The following MYO18A variants were observed in gnomAD, a reference collection of about 807,000 sequenced individuals.
MYO18A encodes the protein myosin XVIIIA.
A neutral mutation model predicts 235.8 loss-of-function variants in MYO18A; 78 were observed. The observed-to-expected ratio is 0.33, with a 90% CI of 0.28 to 0.40. The LOEUF is 0.40. Among genes scored for constraint, MYO18A ranks in the 10% least tolerant of loss-of-function variants. MYO18A has a pLI of 1.00. For synonymous variants in MYO18A, 977 were observed against 1,077.8 expected, an observed-to-expected ratio of 0.91 and a Z score of 1.83; for missense variants, 2,215 against 2,699.3, an observed-to-expected ratio of 0.82 and a Z score of 3.98.
intron 3 of MYO18A, 75 bp downstream of exon 3, chr17:29,122,091 G>A: frequency 6.5e-7 from 1 of 1,539,134 alleles, no homozygotes; most frequent in Non-Finnish European, 8.9e-7. Context: ...CTCACCAGAT[G>A]CAGAAGGCAC....
intron 37 of MYO18A, among the ~76,000 whole-genome samples, chr17:29,087,743 C>CGAAAATAAGT (rs2066289944): frequency 6.6e-6 from 1 of 152,110 alleles, no homozygotes; most frequent in Non-Finnish European, 1.5e-5. Flanking sequence ...GTCCCCCAGC[C>CGAAAATAAGT]TCTATATCCC....
At chr17:29,123,062 G>T (rs982915036) in intron 2 of MYO18A, among the ~76,000 whole-genome samples, 2 of 152,228 alleles carry the variant, frequency 1.3e-5, no homozygotes, top group African/African-American at 4.8e-5. Context: ...GCACAGGAGT[G>T]GTGTAAAGGG....
At position 29,106,825 on chromosome 17, in the gene MYO18A, G is replaced by A. The variant is rs1321116756; in HGVS notation, c.3441+255C>T. ...TTCTCATGCACCCTCAGTGCGCCCA[G>A]GCCCTGCTCGCTCCTGGATGATTGT... On this transcript the variant is annotated intron_variant, in intron 20 of 41. Transcript: ENST00000527372. The surrounding 1 kb of genome is among the most constrained non-coding windows in gnomAD (Gnocchi z 4.6). Among the ~76,000 whole-genome samples, 1 of 152,214 alleles carries A rather than the reference G, an allele frequency of 6.6e-6. No homozygotes were observed. The highest frequency in any genetic ancestry group is 1.9e-4 in the East Asian group (1 of 5,194).
chr17:29,107,386 A>C, intron 19 of MYO18A, 197 bp from the exon 20 acceptor site: 1 of 575,962 alleles, frequency 1.7e-6, no homozygotes, highest in East Asian at 3.0e-5. Context: ...CAGGAGGACA[A>C]TCAGGCCTGC....
Position 29,074,341 on chromosome 17 carries a change from A to G in MYO18A, c.*429T>C. ...CAAGAAGAGAGAGCCCCCACCCCAC[A>G]CGAGAGGGAAGGCACTGCTTCTCCT... On this transcript the variant is annotated 3_prime_UTR_variant, in exon 42 of 42. Coordinates refer to ENST00000527372, the MANE Select transcript of MYO18A (RefSeq NM_078471.4). The surrounding 1 kb of genome is among the most constrained non-coding windows in gnomAD (Gnocchi z 4.4). 1.3e-6 allele frequency: 1 copy of G among 770,384 alleles called. No individual in the cohort carries two copies. The highest frequency in any genetic ancestry group is 2.7e-5 in the East Asian group (1 of 36,726). 47.7% of individuals were successfully genotyped at this position (770,384 alleles called of 1,614,324 possible).
chr17:29,113,297 G>A (rs2066978655), intron 15 of MYO18A, among the ~76,000 whole-genome samples: 2 of 152,240 alleles, frequency 1.3e-5, no homozygotes, highest in Non-Finnish European at 2.9e-5. Flanking sequence ...GCAGAGCAGG[G>A]AGGTCGGCAG....
Position 29,133,763 on chromosome 17 carries a change from C to T in MYO18A, c.1000-11510G>A, listed in dbSNP as rs1434466795. ...CTGCAGATACAACATGCCAAGCACA[C>T]AGGAAAAACATAAAGATTTTAAAAT... On this transcript the variant is annotated intron_variant, in intron 2 of 41. Transcript: ENST00000527372. 3.1e-6 allele frequency: 4 copies of T among 1,283,814 alleles called. No homozygotes were observed. In the South Asian group the frequency reaches 3.7e-5, roughly 12 times the overall value. The allele number at this position is 1,283,814 out of a possible 1,614,324, so 79.5% of individuals were successfully genotyped here.
At chr17:29,087,263 C>A in intron 37 of MYO18A, 142 bp from the exon 38 acceptor site, 2 of 792,986 alleles carry the variant, frequency 2.5e-6, no homozygotes, top group East Asian at 2.5e-5. Flanking sequence ...CAAGCAACCC[C>A]GAAGCTTCCC....
At chr17:29,088,754 T>C (rs575824684) in intron 37 of MYO18A, among the ~76,000 whole-genome samples, 9 of 152,122 alleles carry the variant, frequency 5.9e-5, no homozygotes, top group Admixed American at 2.0e-4. Context: ...AGAAAAAGGA[T>C]TGGTCCAGCA....
Position 29,166,888 on chromosome 17 carries a change from T to C in MYO18A, c.53A>G (p.Lys18Arg), listed in dbSNP as rs1185162173. Reference protein sequence around the residue: ...DKDKDGGRKEKKEKKEKKERM... With the variant: ...DKDKDGGRKERKEKKEKKERM... The stretch of plus-strand genomic sequence containing the variant: ...CTCCTTTTTCTCCTTTTTCTCCTTC[T>C]TCTCCTTCCGCCCGCCATCTTTGTC... The change falls in exon 2 of 42, where the codon AAG (lysine) becomes AGG (arginine). Residue 18 changes from lysine (K) to arginine (R), a missense_variant. Lys to Arg is a conservative substitution (Grantham distance 26). Transcript: ENST00000527372. 4 of 1,551,466 alleles carry C rather than the reference T, an allele frequency of 2.6e-6. No individual in the cohort carries two copies. Among genetic ancestry groups the C allele is most frequent in the Non-Finnish European group, 3.5e-6 (4 of 1,146,734 alleles).
At chr17:29,136,247 AAAAATATATAT>A (rs1266760078) in intron 2 of MYO18A, among the ~76,000 whole-genome samples, 28 of 72,142 alleles carry the variant, frequency 3.9e-4, no homozygotes, top group African/African-American at 1.2e-3. Context: ...AAAAAAAAAA[AAAAATATATAT>A]ATATATATAT....
chr17:29,087,167 A>T, intron 37 of MYO18A, 46 bp from the exon 38 acceptor site: 3 of 1,571,950 alleles, frequency 1.9e-6, no homozygotes, highest in Non-Finnish European at 2.6e-6. Context: ...CAGGCCCATC[A>T]GCCAGGCAGA....
chr17:29,140,296 G>A lies in MYO18A; in HGVS notation c.1000-18043C>T. The A allele has an allele frequency of 1.7e-6, 2 of 1,181,230 alleles. No homozygotes were observed. The highest frequency in any genetic ancestry group is 2.2e-6 in the Non-Finnish European group (2 of 925,694). The allele number at this position is 1,181,230 out of a possible 1,614,324, so 73.2% of individuals were successfully genotyped here. A position where few individuals can be genotyped will look rare whatever the true frequency, so the allele number is the denominator to read the frequency against. ...TTCCTAAATGAGGAAATAGCATGAG[G>A]AGCCTGGGACATTTCCGGGGTGGGG... On this transcript the variant is annotated intron_variant, in intron 2 of 41. Transcript: ENST00000527372. The surrounding 1 kb of genome is among the most constrained non-coding windows in gnomAD (Gnocchi z 4.2).
At chr17:29,153,001 C>A (rs2067990667) in intron 2 of MYO18A, among the ~76,000 whole-genome samples, 1 of 152,152 alleles carries the variant, frequency 6.6e-6, no homozygotes, top group Non-Finnish European at 1.5e-5. Context: ...AGGTGTGAAC[C>A]ACCATGCCTG....
intron 20 of MYO18A, among the ~76,000 whole-genome samples, chr17:29,103,994 A>C (rs1251773911): frequency 6.6e-6 from 1 of 152,216 alleles, no homozygotes; most frequent in African/African-American, 2.4e-5. Context: ...AGTAGGGGAG[A>C]GGGCATTTCA....
chr17:29,178,240 G>A (rs1362869083), intron 1 of MYO18A, among the ~76,000 whole-genome samples: 2 of 152,166 alleles, frequency 1.3e-5, no homozygotes, highest in Non-Finnish European at 2.9e-5. Context: ...AGTCTGGGGC[G>A]CAGGAGGAAG....
intron 2 of MYO18A, among the ~76,000 whole-genome samples, chr17:29,137,821 A>T (rs1242326718): frequency 6.6e-6 from 1 of 152,190 alleles, no homozygotes. Context: ...GATCATAATA[A>T]TCTTGTAAAC....
In MYO18A at chr17:29,158,180, C is replaced by T. The variant is rs1432844384; in HGVS notation, c.999+7762G>A. On this transcript the variant is annotated intron_variant, in intron 2 of 41. Coordinates refer to ENST00000527372, the MANE Select transcript of MYO18A (RefSeq NM_078471.4). The surrounding 1 kb of genome is among the most constrained non-coding windows in gnomAD (Gnocchi z 4.3). ...CATACTGAGCGCCACAGATAACACC[C>T]GGCGAACACCCGGCAAACACCGACA... 2.6e-5 allele frequency among the ~76,000 whole-genome samples: 4 copies of T among 152,138 alleles called. No homozygotes were observed. The highest frequency in any genetic ancestry group is 2.1e-4 in the South Asian group (1 of 4,822).
chr17:29,097,099 A>T, intron 27 of MYO18A, 124 bp downstream of exon 27: 2 of 1,457,918 alleles, frequency 1.4e-6, no homozygotes, highest in South Asian at 2.6e-5. Flanking sequence ...AGAAGCTAAC[A>T]TGCCAGCCTC....
Sources: gnomAD v4.1 joint callset for allele counts (sites outside exome capture counted in the v4.1 genomes callset) on GRCh38, gnomAD v4.1.1 for gene constraint, Gnocchi (gnomAD v3.1) non-coding constraint, MANE v1.5 for transcripts, NCBI Gene and HGNC (gene_info 2026-07-23, HGNC 2026-07-21) for gene names.